The following ARHGAP10 variants were observed in gnomAD, a reference collection of about 807,000 sequenced individuals.
ARHGAP10 encodes rho GTPase-activating protein 10.
A neutral mutation model predicts 108.6 loss-of-function variants in ARHGAP10; 87 were observed. The ratio of observed to expected loss-of-function variants is 0.80; its 90% CI spans 0.67 to 0.96. The LOEUF (loss-of-function observed/expected upper bound fraction) is 0.96, where lower values mean the gene tolerates loss of function less well. Ranked by LOEUF, ARHGAP10 falls within the 40% of genes least tolerant of loss-of-function variation. ARHGAP10 has a pLI of 0.00. For synonymous variants in ARHGAP10, 347 were observed against 341.1 expected, an observed-to-expected ratio of 1.02 and a Z score of -0.19; for missense variants, 939 against 954.5, an observed-to-expected ratio of 0.98 and a Z score of 0.21.
intron 22 of ARHGAP10, among the ~76,000 whole-genome samples, chr4:148,066,097 A>G (rs1729862736): frequency 6.6e-6 from 1 of 151,886 alleles, no homozygotes; most frequent in African/African-American, 2.4e-5. Flanking sequence ...AAGTATTTCC[A>G]TCTCTCTGTG....
intron 1 of ARHGAP10, among the ~76,000 whole-genome samples, chr4:147,771,406 A>C (rs1445683903): frequency 6.6e-6 from 1 of 152,210 alleles, no homozygotes; most frequent in East Asian, 1.9e-4. Context: ...ATGTGTAATA[A>C]TTACATCAGG....
chr4:148,027,845 T>TA (rs907246541), intron 19 of ARHGAP10, among the ~76,000 whole-genome samples: 6 of 152,338 alleles, frequency 3.9e-5, no homozygotes, highest in African/African-American at 1.4e-4. Flanking sequence ...GCGGTCTTTT[T>TA]AAATGTAGAT....
At chr4:147,919,462 C>T (rs1262330680) in intron 13 of ARHGAP10, among the ~76,000 whole-genome samples, 1 of 152,212 alleles carries the variant, frequency 6.6e-6, no homozygotes, top group Non-Finnish European at 1.5e-5. Context: ...ACCGGCTCTA[C>T]CACTAGGAAG....
intron 4 of ARHGAP10, chr4:147,854,551 C>A (rs1734013315): frequency 3.7e-6 from 1 of 267,744 alleles, no homozygotes; most frequent in African/African-American, 2.3e-5. Context: ...CTTGTTGGAA[C>A]TTTTTGGATT....
intron 18 of ARHGAP10, among the ~76,000 whole-genome samples, chr4:148,019,818 CTGT>C (rs1407655617): frequency 6.6e-6 from 1 of 151,776 alleles, no homozygotes; most frequent in Non-Finnish European, 1.5e-5. Flanking sequence ...CCTTCCATAG[CTGT>C]TAAGATTTAA....
At chr4:147,878,159 G>T (rs983078842) in intron 8 of ARHGAP10, among the ~76,000 whole-genome samples, 2 of 151,712 alleles carry the variant, frequency 1.3e-5, no homozygotes, top group African/African-American at 4.8e-5. Flanking sequence ...GCAGTGGCGC[G>T]ATCTCAGCTC....
At chr4:147,902,718 G>T (rs1290390409) in intron 10 of ARHGAP10, among the ~76,000 whole-genome samples, 2 of 152,142 alleles carry the variant, frequency 1.3e-5, no homozygotes, top group Non-Finnish European at 2.9e-5. Flanking sequence ...TCCAGTCTGG[G>T]AGACAGAGCG....
At chr4:148,026,303 G>A (rs915280513) in intron 19 of ARHGAP10, among the ~76,000 whole-genome samples, 5 of 152,212 alleles carry the variant, frequency 3.3e-5, no homozygotes, top group Admixed American at 3.3e-4. Context: ...CAGCAAGCCT[G>A]TTAGCATGTG....
At chr4:147,978,307 C>CT (rs1560856088) in intron 18 of ARHGAP10, among the ~76,000 whole-genome samples, 2 of 152,096 alleles carry the variant, frequency 1.3e-5, no homozygotes, top group Non-Finnish European at 2.9e-5. Flanking sequence ...TAAGCATTCC[C>CT]TTTTTTTCCC....
At chr4:147,789,717 G>A (rs548832007) in intron 1 of ARHGAP10, among the ~76,000 whole-genome samples, 1 of 152,198 alleles carries the variant, frequency 6.6e-6, no homozygotes. Context: ...CCTGCCCAGT[G>A]CACACAGCTA....
intron 18 of ARHGAP10, among the ~76,000 whole-genome samples, chr4:147,990,141 G>C (rs1017999976): frequency 6.6e-6 from 1 of 152,200 alleles, no homozygotes; most frequent in Non-Finnish European, 1.5e-5. Context: ...CCGTCCTTCA[G>C]GTCAGGTCTT....
At chr4:147,969,607 T>C (rs1739331122) in intron 18 of ARHGAP10, among the ~76,000 whole-genome samples, 1 of 152,182 alleles carries the variant, frequency 6.6e-6, no homozygotes, top group African/African-American at 2.4e-5. Flanking sequence ...TAAAAGGATC[T>C]CCATTTCATG....
chr4:147,914,349 CATTTTTATTTTT>C (rs964081013), intron 13 of ARHGAP10, among the ~76,000 whole-genome samples: 2 of 151,890 alleles, frequency 1.3e-5, no homozygotes, highest in South Asian at 2.1e-4. Flanking sequence ...TGCTGCGTTG[CATTTTTATTTTT>C]ATTTTTATTT....
At chr4:147,830,005 C>T (rs560913487) in intron 3 of ARHGAP10, among the ~76,000 whole-genome samples, 9 of 152,258 alleles carry the variant, frequency 5.9e-5, no homozygotes, top group South Asian at 2.1e-4. Context: ...GGAGCTGTTC[C>T]GCCTCCCTCT....
intron 1 of ARHGAP10, among the ~76,000 whole-genome samples, chr4:147,810,005 A>G (rs939081598): frequency 2.0e-4 from 31 of 152,180 alleles, no homozygotes; most frequent in African/African-American, 7.2e-4. Context: ...CTGTCATTCT[A>G]TTATTTAGTA....
chr4:147,943,851 G>A (rs1738268259), intron 14 of ARHGAP10, among the ~76,000 whole-genome samples: 2 of 152,190 alleles, frequency 1.3e-5, no homozygotes, highest in Admixed American at 1.3e-4. Context: ...TTTGAAAACA[G>A]TGAAAATTTA....
intron 9 of ARHGAP10, among the ~76,000 whole-genome samples, chr4:147,880,607 T>A (rs1735282268): frequency 6.6e-6 from 1 of 152,224 alleles, no homozygotes; most frequent in Non-Finnish European, 1.5e-5. Context: ...TACTTAGAGA[T>A]CTTCACGTTC....
At chr4:147,832,530 C>G (rs1732993459) in intron 3 of ARHGAP10, among the ~76,000 whole-genome samples, 1 of 148,496 alleles carries the variant, frequency 6.7e-6, no homozygotes, top group Non-Finnish European at 1.5e-5. Context: ...ACCTGTAATC[C>G]TAGCTACTTA....
chr4:148,058,409 G>A (rs111548830), intron 20 of ARHGAP10, among the ~76,000 whole-genome samples: 12 of 152,080 alleles, frequency 7.9e-5, no homozygotes, highest in African/African-American at 1.9e-4. Context: ...TATTCTCCTC[G>A]CTCTACCCTT....
Sources: allele counts gnomAD v4.1 joint callset (sites outside exome capture counted in the v4.1 genomes callset), GRCh38; gene constraint gnomAD v4.1.1; transcripts MANE v1.5; gene names NCBI Gene and HGNC (gene_info 2026-07-23, HGNC 2026-07-21).